The following UBE2G2 variants were observed in gnomAD, a reference collection of about 807,000 sequenced individuals.
UBE2G2 encodes ubiquitin conjugating enzyme E2 G2, also known as ubiquitin-conjugating enzyme E2 G2.
A neutral mutation model predicts 23.0 loss-of-function variants in UBE2G2; 10 were observed. That is an observed-to-expected ratio of 0.43 (90% CI 0.27 to 0.74). UBE2G2 has a LOEUF of 0.74. Ranked by LOEUF, UBE2G2 falls within the 30% of genes least tolerant of loss-of-function variation. UBE2G2 has a pLI of 0.19. For synonymous variants in UBE2G2, 86 were observed against 81.3 expected, an observed-to-expected ratio of 1.06 and a Z score of -0.31; for missense variants, 150 against 218.3, an observed-to-expected ratio of 0.69 and a Z score of 1.97.
At chr21:44,780,128 A>G (rs1487011073) in intron 3 of UBE2G2, among the ~76,000 whole-genome samples, 1 of 152,246 alleles carries the variant, frequency 6.6e-6, no homozygotes. Flanking sequence ...TAGCCTCAGA[A>G]GCATGACCAA....
chr21:44,777,957 C>T (rs535715748), intron 3 of UBE2G2, among the ~76,000 whole-genome samples: 76 of 152,288 alleles, frequency 5.0e-4, no homozygotes, highest in African/African-American at 1.7e-3. Context: ...AGTACAAAGA[C>T]TGAATTCCAG....
At chr21:44,794,990 G>T (rs574708102) in intron 1 of UBE2G2, among the ~76,000 whole-genome samples, 2 of 152,074 alleles carry the variant, frequency 1.3e-5, no homozygotes, top group African/African-American at 4.8e-5. Flanking sequence ...AGTAAGGGCC[G>T]GGGGCTGTGG....
At chr21:44,777,188 T>C in intron 4 of UBE2G2, 111 bp downstream of exon 4, 3 of 924,588 alleles carry the variant, frequency 3.2e-6, no homozygotes, top group Non-Finnish European at 5.0e-6. Context: ...AAGAAGTGTT[T>C]TCTAAAGATC....
chr21:44,786,800 A>T (rs2146396198), intron 3 of UBE2G2, among the ~76,000 whole-genome samples: 1 of 152,322 alleles, frequency 6.6e-6, no homozygotes, highest in African/African-American at 2.4e-5. Flanking sequence ...TAATGAGATA[A>T]CAAAGACTGG....
At position 44,769,961 on chromosome 21, in the gene UBE2G2, C is replaced by G. The variant is rs1246120432; in HGVS notation, c.*1416G>C. The G allele has an allele frequency of 6.6e-6, 1 of 152,218 alleles. No individual in the cohort carries two copies. Among genetic ancestry groups the G allele is most frequent in the African/African-American group, 2.4e-5 (1 of 41,456 alleles). 9.4% of individuals were successfully genotyped at this position (152,218 alleles called of 1,614,324 possible). On this transcript the variant is annotated 3_prime_UTR_variant, in exon 6 of 6. Coordinates refer to ENST00000345496, the MANE Select transcript of UBE2G2 (RefSeq NM_003343.6). ...TCTGCATGTGGCAGATCTGTTATTG[C>G]TTACACTGTGGCCTCCTGGCCTGTG...
At chr21:44,780,347 C>T (rs73232944) in intron 3 of UBE2G2, among the ~76,000 whole-genome samples, 11,060 of 152,296 alleles carry the variant, frequency 0.073, 562 homozygotes, top group Non-Finnish European at 0.11. Context: ...TGGGAGACGC[C>T]ACAGTGCTGT....
At chr21:44,791,238 CAAAT>C (rs1296576548) in intron 1 of UBE2G2, among the ~76,000 whole-genome samples, 1 of 152,126 alleles carries the variant, frequency 6.6e-6, no homozygotes, top group African/African-American at 2.4e-5. Flanking sequence ...GAGAGAAATT[CAAAT>C]AAGTAACAAG....
chr21:44,793,340 T>C (rs909093143), intron 1 of UBE2G2, among the ~76,000 whole-genome samples: 1 of 152,146 alleles, frequency 6.6e-6, no homozygotes, highest in Non-Finnish European at 1.5e-5. Flanking sequence ...CATCTGGAGT[T>C]CCCCTTTGGC....
intron 3 of UBE2G2, among the ~76,000 whole-genome samples, chr21:44,779,450 A>T (rs1239079392): frequency 6.6e-6 from 1 of 151,882 alleles, no homozygotes; most frequent in Admixed American, 6.6e-5. Flanking sequence ...AGGCACGAGC[A>T]TGAGCTCTTG....
intron 3 of UBE2G2, among the ~76,000 whole-genome samples, chr21:44,777,709 G>A (rs2082923769): frequency 6.6e-6 from 1 of 152,182 alleles, no homozygotes. Context: ...TTGGGAGGCT[G>A]AGGCAGGAGA....
At chr21:44,781,807 A>T (rs534200046) in intron 3 of UBE2G2, among the ~76,000 whole-genome samples, 4 of 152,310 alleles carry the variant, frequency 2.6e-5, no homozygotes, top group African/African-American at 9.6e-5. Context: ...CTCGGAAGAA[A>T]AGGGGGAACA....
At chr21:44,788,446 C>T (rs1054843890) in intron 1 of UBE2G2, among the ~76,000 whole-genome samples, 7 of 151,894 alleles carry the variant, frequency 4.6e-5, no homozygotes, top group East Asian at 3.9e-4. Context: ...CCCACCACCA[C>T]GCCCAGCTAA....
At chr21:44,785,540 G>A (rs1441611755) in intron 3 of UBE2G2, 1 of 152,190 alleles carries the variant, frequency 6.6e-6, no homozygotes, top group African/African-American at 2.4e-5. Flanking sequence ...CTTAAGGCAA[G>A]CACAACAGCA....
intron 1 of UBE2G2, among the ~76,000 whole-genome samples, chr21:44,797,702 A>G (rs112107084): frequency 0.11 from 14,945 of 133,860 alleles, 1,040 homozygotes; most frequent in Middle Eastern, 0.19. Flanking sequence ...GCGACAGAGC[A>G]AAACTCCGTC....
chr21:44,794,534 TTTG>T (rs1208125077), intron 1 of UBE2G2, among the ~76,000 whole-genome samples: 1 of 135,514 alleles, frequency 7.4e-6, no homozygotes, highest in African/African-American at 2.7e-5. Context: ...CCCTTCTTTT[TTTG>T]TTTTTTTTTT....
At position 44,771,848 on chromosome 21, in the gene UBE2G2, T is replaced by C. The variant is rs2082877345; in HGVS notation, c.386-359A>G. 6.6e-6 allele frequency among the ~76,000 whole-genome samples: 1 copy of C among 152,210 alleles called. No individual in the cohort carries two copies. The highest frequency in any genetic ancestry group is 6.5e-5 in the Admixed American group (1 of 15,288). ...CCGGACAAGCTACACGGGGACCACC[T>C]GCTGCTTATTTCACCTTTCTCAAGA... On this transcript the variant is annotated intron_variant, in intron 5 of 5. Transcript: ENST00000345496. This position sits in a 1 kb window ranked among gnomAD's most constrained non-coding sequence, Gnocchi z 4.6.
At chr21:44,788,298 GTTTT>G (rs1270197584) in intron 1 of UBE2G2, among the ~76,000 whole-genome samples, 1 of 137,430 alleles carries the variant, frequency 7.3e-6, no homozygotes. Flanking sequence ...TTTTTTTTTT[GTTTT>G]TTTTTGAGAC....
chr21:44,774,802 T>G (rs1250109527), intron 4 of UBE2G2: 1 of 447,882 alleles, frequency 2.2e-6, no homozygotes, highest in Admixed American at 2.4e-5. Flanking sequence ...TCTCCAGGAG[T>G]TGGTCCCATA....
chr21:44,785,068 G>C (rs145525523), intron 3 of UBE2G2, among the ~76,000 whole-genome samples: 12 of 152,286 alleles, frequency 7.9e-5, no homozygotes, highest in African/African-American at 2.9e-4. Context: ...ATGGGGTCAC[G>C]GGCCATGGAC....
Sources: allele counts gnomAD v4.1 joint callset (sites outside exome capture counted in the v4.1 genomes callset), GRCh38; gene constraint gnomAD v4.1.1; non-coding constraint Gnocchi (gnomAD v3.1); transcripts MANE v1.5; gene names NCBI Gene and HGNC (gene_info 2026-07-23, HGNC 2026-07-21).